The following METRN variants were observed in gnomAD, a reference collection of about 807,000 sequenced individuals.
The protein encoded by METRN is meteorin, glial cell differentiation regulator, also known as meteorin.
A neutral mutation model predicts 17.4 loss-of-function variants in METRN; 17 were observed. The observed-to-expected ratio is 0.98, with a 90% CI of 0.67 to 1.46. The LOEUF is 1.46. Ranked by LOEUF, METRN falls within the 40% of genes most tolerant of loss-of-function variation. The pLI is 0.00. For synonymous variants in METRN, 230 were observed against 210.8 expected, an observed-to-expected ratio of 1.09 and a Z score of -0.79; for missense variants, 489 against 456.2, an observed-to-expected ratio of 1.07 and a Z score of -0.65.
intron 2 of METRN, chr16:716,686 C>G: frequency 6.5e-7 from 1 of 1,535,454 alleles, no homozygotes; most frequent in Non-Finnish European, 8.7e-7. Flanking sequence ...GGCCCCCAGG[C>G]CCACGTCTGT....
In METRN at chr16:717,106, G is replaced by A. The variant is rs757291728; in HGVS notation, c.601G>A (p.Val201Met). ...HGIIHGVTHD[V>M]ELQESVITVV... ...GATCATCCATGGGGTCACCCATGAC[G>A]TGGAGCTGCAGGAGTCTGTCATCAC... Residue 201 changes from valine (V) to methionine (M), a missense_variant, in exon 4 of 4, where the codon GTG (valine) becomes ATG (methionine). By Grantham distance (21) the Val-to-Met change is conservative. Coordinates refer to ENST00000568223, the MANE Select transcript of METRN (RefSeq NM_024042.4). The A allele has an allele frequency of 5.8e-5, 93 of 1,605,274 alleles. No homozygotes were observed. The highest frequency in any genetic ancestry group is 1.7e-4 in the Middle Eastern group (1 of 6,050).
chr16:717,391 G>A lies in METRN; in HGVS notation c.*4G>A. The stretch of plus-strand genomic sequence containing the variant: ...CTGCGAGGTGGCGCTGCACTGAGGG[G>A]CTGGGTGCTGGGGAGGGGCTGGTAG... On this transcript the variant is annotated 3_prime_UTR_variant, in exon 4 of 4. Coordinates refer to ENST00000568223, the MANE Select transcript of METRN (RefSeq NM_024042.4). 1 of 1,426,620 alleles carries A rather than the reference G, an allele frequency of 7.0e-7. No individual in the cohort carries two copies. The highest frequency in any genetic ancestry group is 2.6e-5 in the East Asian group (1 of 38,542). 88.4% of individuals were successfully genotyped at this position (1,426,620 alleles called of 1,614,324 possible). A position where few individuals can be genotyped will look rare whatever the true frequency, so the allele number is the denominator to read the frequency against.
chr16:716,771 C>G (rs950390371), intron 2 of METRN, 162 bp from the exon 3 acceptor site: 36 of 1,532,452 alleles, frequency 2.3e-5, no homozygotes, highest in Non-Finnish European at 4.4e-6. Context: ...GCGTGCACAT[C>G]TGCTGTGTAG....
chr16:715,172 G>A lies in METRN; in HGVS notation c.-118G>A, dbSNP rs945877086. On this transcript the variant is annotated 5_prime_UTR_variant, in exon 1 of 4. Coordinates refer to ENST00000568223, the MANE Select transcript of METRN (RefSeq NM_024042.4). ...CAGGCGGAGCGGCCGCGGGCTTGGGGGCTTCGCCGGGGCCGGGCGGCCGGC... is the reference window on the plus strand; with the variant it reads ...CAGGCGGAGCGGCCGCGGGCTTGGGAGCTTCGCCGGGGCCGGGCGGCCGGC... 5.2e-5 allele frequency: 13 copies of A among 250,438 alleles called. 1 individual carries two copies. Among genetic ancestry groups the A allele is most frequent in the Non-Finnish European group, 7.4e-5 (12 of 161,082 alleles). 15.5% of individuals were successfully genotyped at this position (250,438 alleles called of 1,614,324 possible).
In METRN at chr16:718,157, C is replaced by A. The variant is rs191809503; in HGVS notation, c.*770C>A. ...CAATGGGGTCTCTAAGGACCGTTTC[C>A]CGCCACTGGCCCCATTGTCACTGTC... is the stretch of plus-strand genomic sequence containing the variant. On this transcript the variant is annotated 3_prime_UTR_variant, in exon 4 of 4. Transcript: ENST00000568223. The A allele has an allele frequency of 1.3e-4, 20 of 152,448 alleles. No individual in the cohort carries two copies. The highest frequency in any genetic ancestry group is 4.3e-4 in the African/African-American group (18 of 41,594). 9.4% of individuals were successfully genotyped at this position (152,448 alleles called of 1,614,324 possible).
rs1168045738 is a variant in METRN at position 715,877 on chromosome 16, C to A, written c.398C>A (p.Ala133Asp). ...PRERRALFLQ[A>D]TPHQDISRRV... The stretch of plus-strand genomic sequence containing the variant: ...GAGCGCCGGGCCCTCTTCCTGCAGG[C>A]CACGCCGCACCAGGACATCAGCCGC... The change falls in exon 2 of 4, where the codon GCC (alanine) becomes GAC (aspartate). Residue 133 changes from alanine to aspartate, a missense_variant. Transcript: ENST00000568223. 3 of 1,427,846 alleles carry A rather than the reference C, an allele frequency of 2.1e-6. No individual in the cohort carries two copies. The allele number at this position is 1,427,846 out of a possible 1,614,324, so 88.4% of individuals were successfully genotyped here. A position where few individuals can be genotyped will look rare whatever the true frequency, so the allele number is the denominator to read the frequency against.
rs995013869 is a variant in METRN at position 716,915 on chromosome 16, A to C, written c.506-18A>C. On this transcript the variant is annotated intron_variant, in intron 2 of 3. Coordinates refer to ENST00000568223, the MANE Select transcript of METRN (RefSeq NM_024042.4). ...GGAGAGGGCAGGGCCTCTCCTCACCACCCCCTCTGCATGCCAGGTGCCTGC... is the reference window on the plus strand; with the variant it reads ...GGAGAGGGCAGGGCCTCTCCTCACCCCCCCCTCTGCATGCCAGGTGCCTGC... 7.2e-6 allele frequency: 11 copies of C among 1,537,524 alleles called. No individual in the cohort carries two copies. Among genetic ancestry groups the C allele is most frequent in the Non-Finnish European group, 9.6e-6 (11 of 1,140,028 alleles).
chr16:717,417 G>C lies in METRN; in HGVS notation c.*30G>C. ...CTGGGTGCTGGGGAGGGGCTGGTAG[G>C]AGGGAGGGTGGGCCCACTGCTTTGG... On this transcript the variant is annotated 3_prime_UTR_variant, in exon 4 of 4. Coordinates refer to ENST00000568223, the MANE Select transcript of METRN (RefSeq NM_024042.4). The C allele has an allele frequency of 8.0e-7, 1 of 1,245,294 alleles. No homozygotes were observed. Among genetic ancestry groups the C allele is most frequent in the Non-Finnish European group, 1.0e-6 (1 of 957,762 alleles). 77.1% of individuals were successfully genotyped at this position (1,245,294 alleles called of 1,614,324 possible).
Position 717,217 on chromosome 16 carries a change from A to T in METRN, c.712A>T (p.Thr238Ser). The change falls in exon 4 of 4, where the codon ACC (threonine) becomes TCC (serine). Residue 238 changes from threonine (T) to serine (S), a missense_variant. By Grantham distance (58) the Thr-to-Ser change is moderately conservative. Transcript: ENST00000568223. ...GGACCAGGGGCTGACCTCCATTCGTACCCCACTGCGCTGTGGCGTCCACCC... is the reference window on the plus strand; with the variant it reads ...GGACCAGGGGCTGACCTCCATTCGTTCCCCACTGCGCTGTGGCGTCCACCC... Reference protein sequence around the residue: ...SGDQGLTSIRTPLRCGVHPGP... With the variant: ...SGDQGLTSIRSPLRCGVHPGP... The T allele has an allele frequency of 6.3e-7, 1 of 1,593,692 alleles. No homozygotes were observed. Among genetic ancestry groups the T allele is most frequent in the Non-Finnish European group, 8.5e-7 (1 of 1,173,104 alleles).
Position 715,947 on chromosome 16 carries a change from C to G in METRN, c.468C>G (p.Pro156=), listed in dbSNP as rs535868431. ...FRFELREDGR[P]ELPPQAHGLG... is the part of the protein sequence containing the mutation. ...TTGAGCTGCGCGAGGACGGGCGCCC[C>G]GAGCTGCCCCCGCAGGCCCACGGTC... The change falls in exon 2 of 4, where the codon CCC becomes CCG. Residue 156 remains proline (P), a synonymous_variant. Coordinates refer to ENST00000568223, the MANE Select transcript of METRN (RefSeq NM_024042.4). 2.7e-6 allele frequency: 4 copies of G among 1,499,258 alleles called. No individual in the cohort carries two copies. Among genetic ancestry groups the G allele is most frequent in the South Asian group, 1.2e-5 (1 of 81,526 alleles). The allele number at this position is 1,499,258 out of a possible 1,614,324, so 92.9% of individuals were successfully genotyped here. A position where few individuals can be genotyped will look rare whatever the true frequency, so the allele number is the denominator to read the frequency against.
rs1399590314 is a variant in METRN at position 718,227 on chromosome 16, G to A, written c.*840G>A. 3.3e-5 allele frequency: 5 copies of A among 152,424 alleles called. No homozygotes were observed. Among genetic ancestry groups the A allele is most frequent in the African/African-American group, 1.2e-4 (5 of 41,586 alleles). The allele number at this position is 152,424 out of a possible 1,614,324, so 9.4% of individuals were successfully genotyped here. On this transcript the variant is annotated 3_prime_UTR_variant, in exon 4 of 4. Transcript: ENST00000568223. ...TTTCAGCCGCATAAAGGGCCAGTGA[G>A]GTTTGGGACAGCCACAGCCCAAGGC...
chr16:716,096 A>G, intron 2 of METRN, 112 bp downstream of exon 2: 3 of 1,335,658 alleles, frequency 2.2e-6, no homozygotes, highest in South Asian at 1.9e-5. Context: ...GTGAGCTACA[A>G]GGGTTGGATG....
In METRN at chr16:715,269, C is replaced by T. The variant is rs2040150436; in HGVS notation, c.-21C>T. ...CAGCGGTGGTGAGAGCCCCGACTCC[C>T]CGGACGCCGCCCGCCGTGCCATGGG... On this transcript the variant is annotated 5_prime_UTR_variant, in exon 1 of 4. Transcript: ENST00000568223. 2.3e-6 allele frequency: 3 copies of T among 1,284,062 alleles called. No homozygotes were observed. The highest frequency in any genetic ancestry group is 3.1e-5 in the African/African-American group (2 of 63,936). The allele number at this position is 1,284,062 out of a possible 1,614,324, so 79.5% of individuals were successfully genotyped here. A position where few individuals can be genotyped will look rare whatever the true frequency, so the allele number is the denominator to read the frequency against.
rs2040156767 is a variant in METRN at position 715,843 on chromosome 16, G to C, written c.364G>C (p.Gly122Arg). Residue 122 changes from glycine to arginine, a missense_variant, in exon 2 of 4, where the codon GGT becomes CGT. Transcript: ENST00000568223. ...GGCAGGGGGCCGCTGCGTGCGCTGG[G>C]GTCCCCGCGAGCGCCGGGCCCTCTT... ...GPAGGRCVRW[G>R]PRERRALFLQ... The C allele has an allele frequency of 7.6e-7, 1 of 1,319,644 alleles. No homozygotes were observed. The highest frequency in any genetic ancestry group is 9.6e-7 in the Non-Finnish European group (1 of 1,038,342). The allele number at this position is 1,319,644 out of a possible 1,614,324, so 81.7% of individuals were successfully genotyped here.
intron 2 of METRN, chr16:716,589 G>A (rs2040163578): frequency 2.6e-6 from 4 of 1,535,144 alleles, no homozygotes; most frequent in Non-Finnish European, 3.5e-6. Context: ...CCTCAGATCC[G>A]GGAAACTAGA....
Position 716,927 on chromosome 16 carries a change from T to C in METRN, c.506-6T>C. ...GCCTCTCCTCACCACCCCCTCTGCA[T>C]GCCAGGTGCCTGCAGGCCCTGCAGC... is the stretch of plus-strand genomic sequence containing the variant. On this transcript the variant is annotated splice_region_variant and splice_polypyrimidine_tract_variant and intron_variant, in intron 2 of 3. Transcript: ENST00000568223. The C allele has an allele frequency of 6.5e-7, 1 of 1,545,752 alleles. No homozygotes were observed. Among genetic ancestry groups the C allele is most frequent in the Non-Finnish European group, 8.7e-7 (1 of 1,143,594 alleles).
At position 715,357 on chromosome 16, in the gene METRN, C is replaced by G; in HGVS notation, c.68C>G (p.Ala23Gly). 1 of 1,339,020 alleles carries G rather than the reference C, an allele frequency of 7.5e-7. No homozygotes were observed. The allele number at this position is 1,339,020 out of a possible 1,614,324, so 82.9% of individuals were successfully genotyped here. A position where few individuals can be genotyped will look rare whatever the true frequency, so the allele number is the denominator to read the frequency against. The change falls in exon 1 of 4, where the codon GCC becomes GGC. Residue 23 changes from alanine (A) to glycine (G), a missense_variant. Physicochemically the swap from Ala to Gly is moderately conservative, Grantham distance 60. Transcript: ENST00000568223. The stretch of plus-strand genomic sequence containing the variant: ...GGCCTCCTGGCCCCGGCTGCCCGCG[C>G]CGGCTACTCCGAGGAGCGCTGCAGC... ...CCGLLAPAAR[A>G]GYSEERCSWR...
Position 715,782 on chromosome 16 carries a change from C to T in METRN, c.303C>T (p.Gly101=). ...GAQVFAERAG[G]ALELLLAEGP... ...AGGTCTTCGCGGAGCGCGCAGGGGG[C>T]GCCCTGGAGCTGCTGCTGGCCGAGG... The change falls in exon 2 of 4, where the codon GGC becomes GGT. Residue 101 remains glycine, a synonymous_variant. Transcript: ENST00000568223. The T allele has an allele frequency of 8.0e-7, 1 of 1,250,996 alleles. No individual in the cohort carries two copies. The highest frequency in any genetic ancestry group is 1.0e-6 in the Non-Finnish European group (1 of 1,000,476). The allele number at this position is 1,250,996 out of a possible 1,614,324, so 77.5% of individuals were successfully genotyped here. A position where few individuals can be genotyped will look rare whatever the true frequency, so the allele number is the denominator to read the frequency against.
Position 715,227 on chromosome 16 carries a change from C to T in METRN, c.-63C>T, listed in dbSNP as rs1454168297. 1.1e-6 allele frequency: 1 copy of T among 904,048 alleles called. No homozygotes were observed. Among genetic ancestry groups the T allele is most frequent in the Non-Finnish European group, 1.4e-6 (1 of 738,112 alleles). The allele number at this position is 904,048 out of a possible 1,614,324, so 56.0% of individuals were successfully genotyped here. On this transcript the variant is annotated 5_prime_UTR_variant, in exon 1 of 4. Transcript: ENST00000568223. ...CCGGCTGCTCCCGCCGCCGCCCGGACCCGCGCCCCGCCGGGGCAGCGGTGG... is the reference window on the plus strand; with the variant it reads ...CCGGCTGCTCCCGCCGCCGCCCGGATCCGCGCCCCGCCGGGGCAGCGGTGG...
Sources: gnomAD v4.1 joint callset for allele counts on GRCh38, gnomAD v4.1.1 for gene constraint, MANE v1.5 for transcripts, NCBI Gene and HGNC (gene_info 2026-07-23, HGNC 2026-07-21) for gene names.